Variants in SAMD12 observed in about 807,000 individuals in gnomAD.
SAMD12 encodes sterile alpha motif domain containing 12.
Under a neutral mutation model 15.0 loss-of-function variants are expected in SAMD12, and 9 were observed. That is an observed-to-expected ratio of 0.60 (90% confidence interval 0.36 to 1.05). The LOEUF is 1.05. Among genes scored for constraint, SAMD12 ranks in the 50% least tolerant of loss-of-function variants. The pLI, the probability that SAMD12 is intolerant of heterozygous loss-of-function variation, is 0.01. For missense variants in SAMD12, 230 were observed against 234.2 expected, an observed-to-expected ratio of 0.98 and a Z score of 0.12; for synonymous variants, 86 against 90.1, an observed-to-expected ratio of 0.96 and a Z score of 0.25.
intron 2 of SAMD12, among the ~76,000 whole-genome samples, chr8:118,548,719 C>G (rs905331976): frequency 6.6e-6 from 1 of 152,202 alleles, no homozygotes; most frequent in African/African-American, 2.4e-5. Flanking sequence ...CGAAGCAGGG[C>G]GAGGCATTGC....
intron 4 of SAMD12, among the ~76,000 whole-genome samples, chr8:118,256,100 G>T (rs1812933384): frequency 6.6e-6 from 1 of 152,098 alleles, no homozygotes; most frequent in Non-Finnish European, 1.5e-5. Context: ...TTTCTCTGAT[G>T]GCCAGTGATG....
chr8:118,186,021 T>C (rs1158209570), downstream of SAMD12, among the ~76,000 whole-genome samples: 7 of 152,200 alleles, frequency 4.6e-5, no homozygotes, highest in Non-Finnish European at 5.9e-5. Context: ...GGGCTGTAAA[T>C]TGGTATTCTC....
chr8:118,182,318 T>C, the SAMD12 span, among the ~76,000 whole-genome samples: 2 of 152,254 alleles, frequency 1.3e-5, no homozygotes, highest in African/African-American at 4.8e-5. Flanking sequence ...TCTTAAACAT[T>C]CACATGATTT....
chr8:118,380,529 T>G (rs1819617073), intron 3 of SAMD12, among the ~76,000 whole-genome samples: 1 of 152,190 alleles, frequency 6.6e-6, no homozygotes, highest in African/African-American at 2.4e-5. Flanking sequence ...CTCCACTCTG[T>G]GCTTGCCCTA....
chr8:118,303,989 T>C (rs1303622255), intron 4 of SAMD12, among the ~76,000 whole-genome samples: 3 of 152,166 alleles, frequency 2.0e-5, no homozygotes, highest in Non-Finnish European at 4.4e-5. Context: ...CACAGCTGAG[T>C]ATTCCCTGAC....
At chr8:118,410,493 A>G (rs1821356959) in intron 3 of SAMD12, among the ~76,000 whole-genome samples, 1 of 152,212 alleles carries the variant, frequency 6.6e-6, no homozygotes, top group Non-Finnish European at 1.5e-5. Context: ...TGTTTTAACT[A>G]TTAGACTTTG....
chr8:118,607,389 C>T (rs1055233562), intron 1 of SAMD12, among the ~76,000 whole-genome samples: 17 of 151,998 alleles, frequency 1.1e-4, no homozygotes, highest in East Asian at 9.7e-4. Context: ...GCATGTGCCA[C>T]GACGCCCAGC....
chr8:118,215,248 G>A (rs901154761), intron 4 of SAMD12, among the ~76,000 whole-genome samples: 10 of 152,192 alleles, frequency 6.6e-5, no homozygotes, highest in Middle Eastern at 3.4e-3. Flanking sequence ...ATTTGTTTAC[G>A]TATTGTCTTA....
At chr8:118,447,889 C>A (rs1352775101) in intron 2 of SAMD12, among the ~76,000 whole-genome samples, 1 of 149,910 alleles carries the variant, frequency 6.7e-6, no homozygotes, top group Admixed American at 6.6e-5. Context: ...CCATGCGTGG[C>A]TAATTTTTTT....
At chr8:118,413,467 C>CA (rs1460041960) in intron 3 of SAMD12, among the ~76,000 whole-genome samples, 1 of 152,146 alleles carries the variant, frequency 6.6e-6, no homozygotes, top group Non-Finnish European at 1.5e-5. Flanking sequence ...CCTAATCCTA[C>CA]ATAGCCTTAA....
At chr8:118,310,840 T>C (rs1055795661) in intron 4 of SAMD12, among the ~76,000 whole-genome samples, 1 of 152,224 alleles carries the variant, frequency 6.6e-6, no homozygotes, top group Non-Finnish European at 1.5e-5. Flanking sequence ...GGTTTCTATT[T>C]CCTTCACCTG....
intron 4 of SAMD12, among the ~76,000 whole-genome samples, chr8:118,212,933 G>A (rs1811869848): frequency 6.6e-6 from 1 of 152,124 alleles, no homozygotes; most frequent in Admixed American, 6.5e-5. Context: ...AAATGAAAGA[G>A]CATATATCAT....
chr8:118,537,350 C>G (rs1235162133), intron 2 of SAMD12, among the ~76,000 whole-genome samples: 1 of 152,002 alleles, frequency 6.6e-6, no homozygotes, highest in East Asian at 1.9e-4. Flanking sequence ...TTATTACCCC[C>G]TTTGAATAAT....
At position 118,379,345 on chromosome 8, in the gene SAMD12, G is replaced by C; in HGVS notation, c.*72C>G. ...GAAGTTAGCTCAGGTAATTCTGTTTGCTCATCCATTACTTATTTGTGCATC... is the reference window on the plus strand; with the variant it reads ...GAAGTTAGCTCAGGTAATTCTGTTTCCTCATCCATTACTTATTTGTGCATC... On this transcript the variant is annotated 3_prime_UTR_variant, in exon 4 of 4. Coordinates refer to ENST00000314727, the MANE Select transcript of SAMD12 (RefSeq NM_207506.3). 4 of 1,540,680 alleles carry C rather than the reference G, an allele frequency of 2.6e-6. No individual in the cohort carries two copies. In the Admixed American group the frequency reaches 7.5e-5, roughly 29 times the overall value.
In SAMD12 at chr8:118,574,114, C is replaced by A. The variant is rs534045298; in HGVS notation, c.192+6601G>T. 6.6e-5 allele frequency among the ~76,000 whole-genome samples: 10 copies of A among 152,230 alleles called. No homozygotes were observed. In the South Asian group the frequency reaches 1.7e-3, roughly 25 times the overall value. ...CACATTTGAGCTAGGACCTAAATGA[C>A]AAGGAACTAGCTGAACAATGATCAA... On this transcript the variant is annotated intron_variant, in intron 2 of 3. Coordinates refer to ENST00000314727, the MANE Select transcript of SAMD12 (RefSeq NM_207506.3).
chr8:118,467,566 C>T (rs1408390058), intron 2 of SAMD12, among the ~76,000 whole-genome samples: 3 of 152,114 alleles, frequency 2.0e-5, no homozygotes, highest in African/African-American at 4.8e-5. Flanking sequence ...TTTGCCACAA[C>T]GGAAACTCAG....
intron 2 of SAMD12, among the ~76,000 whole-genome samples, chr8:118,522,662 C>G (rs1031838063): frequency 6.6e-6 from 1 of 152,104 alleles, no homozygotes; most frequent in African/African-American, 2.4e-5. Context: ...GCATGTCTTT[C>G]CAGATTTGTT....
At chr8:118,344,421 T>C (rs1171699431) in intron 4 of SAMD12, among the ~76,000 whole-genome samples, 1 of 152,238 alleles carries the variant, frequency 6.6e-6, no homozygotes, top group Admixed American at 6.5e-5. Context: ...TTATAAACTT[T>C]ATCAAAGTCA....
At chr8:118,345,053 G>C (rs1423101987) in intron 4 of SAMD12, among the ~76,000 whole-genome samples, 4 of 152,120 alleles carry the variant, frequency 2.6e-5, no homozygotes, top group Non-Finnish European at 5.9e-5. Context: ...GACTCACCCA[G>C]AGCAACCTCC....
Sources: allele counts gnomAD v4.1 joint callset (sites outside exome capture counted in the v4.1 genomes callset), GRCh38; gene constraint gnomAD v4.1.1; transcripts MANE v1.5; gene names NCBI Gene and HGNC (gene_info 2026-07-23, HGNC 2026-07-21).